Variants in DCAF8 observed in about 807,000 individuals in gnomAD.
The protein encoded by DCAF8 is DDB1 and CUL4 associated factor 8.
A neutral mutation model predicts 68.0 loss-of-function variants in DCAF8; 20 were observed. That is an observed-to-expected ratio of 0.29 (90% CI 0.21 to 0.43). DCAF8 has a LOEUF of 0.43. Ranked by LOEUF, DCAF8 falls within the 20% of genes least tolerant of loss-of-function variation. DCAF8 has a pLI of 1.00. For missense variants in DCAF8, 460 were observed against 771.0 expected, an observed-to-expected ratio of 0.60 and a Z score of 4.78; for synonymous variants, 230 against 276.9, an observed-to-expected ratio of 0.83 and a Z score of 1.68.
chr1:160,247,640 A>G (rs527321415), intron 2 of DCAF8, among the ~76,000 whole-genome samples: 2 of 152,374 alleles, frequency 1.3e-5, no homozygotes, highest in South Asian at 4.1e-4. Context: ...AGCATCTCAA[A>G]TCAGAAAATT....
At chr1:160,236,394 G>A (rs76464728) in intron 6 of DCAF8, among the ~76,000 whole-genome samples, 2,397 of 151,844 alleles carry the variant, frequency 0.016, 60 homozygotes, top group African/African-American at 0.049. Context: ...GTATATATGT[G>A]TACATGTGTA....
chr1:160,224,687 C>A, intron 9 of DCAF8, 138 bp from the exon 10 acceptor site: 2 of 675,282 alleles, frequency 3.0e-6, no homozygotes, highest in South Asian at 1.7e-5. Flanking sequence ...ATTTGGAACA[C>A]CAGGCAAGTC....
chr1:160,230,175 T>G (rs1206880506), intron 7 of DCAF8, among the ~76,000 whole-genome samples: 1 of 152,128 alleles, frequency 6.6e-6, no homozygotes, highest in East Asian at 1.9e-4. Flanking sequence ...TTCTAAAAAT[T>G]TACCCTATTC....
rs1655358905 is a variant in DCAF8, at chr1:160,223,315, T to C, written c.1310-534A>G. Among the ~76,000 whole-genome samples the C allele has an allele frequency of 2.0e-5, 3 of 152,292 alleles. No individual in the cohort carries two copies. The South Asian group carries it at 6.2e-4, about 32-fold the overall frequency. ...GTTCCAATGACTATGGTCAGTACAA[T>C]ATTGGCCATGAGACTGGCACCCTTC... On this transcript the variant is annotated intron_variant, in intron 10 of 13. Transcript: ENST00000368074.
At chr1:160,262,350 G>A (rs1464822479) in intron 1 of DCAF8, 99 bp downstream of exon 1, 10 of 399,402 alleles carry the variant, frequency 2.5e-5, no homozygotes, top group East Asian at 3.6e-5. Flanking sequence ...TCAGCAGCCC[G>A]CTTCCCGTCT....
intron 5 of DCAF8, 86 bp downstream of exon 5, chr1:160,238,521 C>T: frequency 7.1e-7 from 1 of 1,407,058 alleles, no homozygotes; most frequent in Non-Finnish European, 9.5e-7. Context: ...ACAAATGTGA[C>T]ACAATGGGCA....
intron 7 of DCAF8, among the ~76,000 whole-genome samples, chr1:160,225,929 C>T (rs181588862): frequency 2.9e-4 from 44 of 152,246 alleles, no homozygotes; most frequent in African/African-American, 6.0e-4. Flanking sequence ...CTGCAACCTC[C>T]GCCTCATGGG....
chr1:160,223,948 G>T (rs1480494448), intron 10 of DCAF8, among the ~76,000 whole-genome samples: 1 of 152,122 alleles, frequency 6.6e-6, no homozygotes, highest in East Asian at 1.9e-4. Flanking sequence ...CACATCAGAT[G>T]ATTTCAATGT....
At chr1:160,236,082 AC>A (rs1333587487) in intron 6 of DCAF8, among the ~76,000 whole-genome samples, 1 of 152,158 alleles carries the variant, frequency 6.6e-6, no homozygotes, top group African/African-American at 2.4e-5. Context: ...GGCGGGGGTG[AC>A]TGAGGGAGCA....
At chr1:160,226,997 C>G (rs1655499606) in intron 7 of DCAF8, among the ~76,000 whole-genome samples, 1 of 152,206 alleles carries the variant, frequency 6.6e-6, no homozygotes, top group Non-Finnish European at 1.5e-5. Flanking sequence ...AGAAGATTTT[C>G]CCTTCGCCCT....
At chr1:160,219,016 G>C in intron 11 of DCAF8, 48 bp from the exon 12 acceptor site, 1 of 1,608,228 alleles carries the variant, frequency 6.2e-7, no homozygotes, top group Non-Finnish European at 8.5e-7. Context: ...TGTGGGAGTA[G>C]GGTTTAAAAA....
At chr1:160,235,997 C>T (rs931035625) in intron 6 of DCAF8, among the ~76,000 whole-genome samples, 1 of 152,042 alleles carries the variant, frequency 6.6e-6, no homozygotes, top group Non-Finnish European at 1.5e-5. Flanking sequence ...CCTTGGCCTC[C>T]CAAAGTGCTG....
intron 12 of DCAF8, among the ~76,000 whole-genome samples, 160 bp downstream of exon 12, chr1:160,218,683 CCTGGAG>C (rs1404103051): frequency 2.0e-5 from 3 of 152,180 alleles, no homozygotes; most frequent in African/African-American, 7.2e-5. Flanking sequence ...ACAGCTGCCC[CCTGGAG>C]CAGGACTATT....
intron 5 of DCAF8, among the ~76,000 whole-genome samples, chr1:160,237,724 C>G (rs1655945225): frequency 6.6e-6 from 1 of 151,798 alleles, no homozygotes; most frequent in Non-Finnish European, 1.5e-5. Flanking sequence ...TTGTTTTCCA[C>G]AGATGGGGTC....
chr1:160,251,122 G>T (rs1656575367), intron 2 of DCAF8, among the ~76,000 whole-genome samples: 1 of 152,070 alleles, frequency 6.6e-6, no homozygotes, highest in African/African-American at 2.4e-5. Flanking sequence ...AATGAGACAA[G>T]GTTTTAGAAT....
chr1:160,251,769 G>A (rs535094347), intron 2 of DCAF8, among the ~76,000 whole-genome samples: 3 of 152,200 alleles, frequency 2.0e-5, no homozygotes, highest in South Asian at 2.1e-4. Context: ...GCACCTGGCC[G>A]TATAGTGTTT....
At chr1:160,239,441 T>C in intron 4 of DCAF8, 2 of 1,436,368 alleles carry the variant, frequency 1.4e-6, no homozygotes, top group South Asian at 3.0e-5. Context: ...TATACTACAC[T>C]GCCTCCTACC....
At position 160,238,913 on chromosome 1, in the gene DCAF8, G is replaced by C. The variant is rs116384115; in HGVS notation, c.724-166C>G. Reference sequence around the variant, plus strand: ...GCTGGCTAAGCCCAATTTCTTCCAGGAGTTAAAGGAAAGGGAGAGAAAAAA... The same window carrying C: ...GCTGGCTAAGCCCAATTTCTTCCAGCAGTTAAAGGAAAGGGAGAGAAAAAA... On this transcript the variant is annotated intron_variant, in intron 4 of 13. Coordinates refer to ENST00000368074, the MANE Select transcript of DCAF8 (RefSeq NM_015726.4). The C allele has an allele frequency of 1.1e-3, 936 of 834,626 alleles. 2 individuals carry two copies. Among genetic ancestry groups the C allele is most frequent in the Non-Finnish European group, 1.4e-3 (808 of 572,494 alleles). 51.7% of individuals were successfully genotyped at this position (834,626 alleles called of 1,614,324 possible).
At chr1:160,239,487 T>C (rs1656015462) in intron 4 of DCAF8, 3 of 1,466,738 alleles carry the variant, frequency 2.0e-6, no homozygotes, top group Non-Finnish European at 1.8e-6. Context: ...ACCCTACCTA[T>C]GAGGCTTCCA....
Sources: gnomAD v4.1 joint callset for allele counts (sites outside exome capture counted in the v4.1 genomes callset) on GRCh38, gnomAD v4.1.1 for gene constraint, MANE v1.5 for transcripts, NCBI Gene and HGNC (gene_info 2026-07-23, HGNC 2026-07-21) for gene names.